Variants in ETFA observed in about 807,000 individuals in gnomAD.
The protein encoded by ETFA is electron transfer flavoprotein subunit alpha, mitochondrial.
In ETFA, 22 loss-of-function variants were observed where a neutral mutation model predicts 46.2. The observed-to-expected ratio is 0.48, with a 90% confidence interval of 0.34 to 0.68. ETFA has a LOEUF of 0.68. ETFA is among the 30% of genes least tolerant of loss of function. The probability of loss-of-function intolerance (pLI) is 0.01; values close to 1 mark genes in which losing one functional copy is unlikely to be tolerated. For synonymous variants in ETFA, 131 were observed against 139.9 expected (o/e 0.94, Z 0.45); for missense variants, 345 against 401.1 (o/e 0.86, Z 1.19).
intron 9 of ETFA, among the ~76,000 whole-genome samples, chr15:76,254,785 A>G (rs1001283355): frequency 6.6e-6 from 1 of 152,104 alleles, no homozygotes; most frequent in Non-Finnish European, 1.5e-5. Flanking sequence ...TTTAGGTATA[A>G]ATTTGTGTGT....
chr15:76,223,769 G>A (rs2038979962), intron 11 of ETFA, among the ~76,000 whole-genome samples: 1 of 152,176 alleles, frequency 6.6e-6, no homozygotes, highest in African/African-American at 2.4e-5. Flanking sequence ...CCACACACAT[G>A]CATAGTCTCA....
chr15:76,245,493 G>A (rs1188629685), intron 9 of ETFA, among the ~76,000 whole-genome samples: 1 of 152,172 alleles, frequency 6.6e-6, no homozygotes, highest in Non-Finnish European at 1.5e-5. Context: ...AGTCTATAAA[G>A]TTTGTTCCTA....
chr15:76,230,681 C>A (rs1282892102), intron 10 of ETFA: 2 of 152,132 alleles, frequency 1.3e-5, no homozygotes, highest in African/African-American at 4.9e-5. Flanking sequence ...GATCTCCTGA[C>A]CTCATGATCC....
chr15:76,264,454 T>C (rs747187908), intron 9 of ETFA, among the ~76,000 whole-genome samples: 19 of 152,340 alleles, frequency 1.2e-4, no homozygotes, highest in African/African-American at 2.2e-4. Flanking sequence ...TGTGTGCTTA[T>C]GGGCATGGGA....
At chr15:76,265,976 T>G (rs930564439) in intron 9 of ETFA, among the ~76,000 whole-genome samples, 5 of 152,142 alleles carry the variant, frequency 3.3e-5, no homozygotes, top group African/African-American at 9.7e-5. Flanking sequence ...CAATGGCCAC[T>G]GAAACAGGAA....
chr15:76,258,638 G>A (rs761128930), intron 9 of ETFA, among the ~76,000 whole-genome samples: 13 of 152,340 alleles, frequency 8.5e-5, no homozygotes, highest in African/African-American at 2.4e-4. Flanking sequence ...TCAGCGGGAC[G>A]GTAGAGCCTA....
chr15:76,253,084 G>A (rs1331785430), intron 9 of ETFA, among the ~76,000 whole-genome samples: 1 of 151,872 alleles, frequency 6.6e-6, no homozygotes, highest in Non-Finnish European at 1.5e-5. Context: ...CAGCTGTACT[G>A]CTTTTAATTT....
At chr15:76,219,703 C>CA (rs1340825934) in intron 11 of ETFA, among the ~76,000 whole-genome samples, 10 of 152,146 alleles carry the variant, frequency 6.6e-5, no homozygotes, top group Non-Finnish European at 1.5e-4. Flanking sequence ...TACGAGTGGC[C>CA]AATGAACATC....
At position 76,286,401 on chromosome 15, in the gene ETFA, T is replaced by C. The variant is rs2039705075; in HGVS notation, c.532A>G (p.Thr178Ala). Residue 178 changes from threonine to alanine, a missense_variant, in exon 6 of 12, where the codon ACA becomes GCA. Thr to Ala is a moderately conservative substitution (Grantham distance 58). Coordinates refer to ENST00000557943, the MANE Select transcript of ETFA (RefSeq NM_000126.4). Reference protein sequence around the residue: ...VRGTSFDAAATSGGSASSEKA... With the variant: ...VRGTSFDAAAASGGSASSEKA... ...TCTGAACTGGCACTACCGCCACTTG[T>C]TGCTGCAGCATCAAAGGATGTTCCA... The C allele has an allele frequency of 1.2e-6, 2 of 1,612,556 alleles. No individual in the cohort carries two copies. The highest frequency in any genetic ancestry group is 1.7e-6 in the Non-Finnish European group (2 of 1,178,540).
chr15:76,300,863 G>A (rs1035736410), intron 1 of ETFA, among the ~76,000 whole-genome samples: 11 of 152,016 alleles, frequency 7.2e-5, no homozygotes, highest in Non-Finnish European at 1.3e-4. Context: ...CCTCTGCCTA[G>A]TGGACCTCTT....
chr15:76,289,341 A>G (rs1445050923), intron 4 of ETFA, among the ~76,000 whole-genome samples: 1 of 152,164 alleles, frequency 6.6e-6, no homozygotes, highest in Non-Finnish European at 1.5e-5. Context: ...TTCAGGAATT[A>G]TTACTGGAAT....
At chr15:76,256,622 A>G (rs998528126) in intron 9 of ETFA, among the ~76,000 whole-genome samples, 2 of 152,348 alleles carry the variant, frequency 1.3e-5, no homozygotes, top group Admixed American at 1.3e-4. Context: ...ATTCTAAAAC[A>G]CTTGTACCGA....
At position 76,295,680 on chromosome 15, in the gene ETFA, G is replaced by A. The variant is rs2039810800; in HGVS notation, c.97C>T (p.Leu33=). The A allele has an allele frequency of 6.2e-7, 1 of 1,613,088 alleles. No individual in the cohort carries two copies. The highest frequency in any genetic ancestry group is 1.1e-5 in the South Asian group (1 of 91,040). The change falls in exon 2 of 12, where the codon CTA becomes TTA. Residue 33 remains leucine, a synonymous_variant. Coordinates refer to ENST00000557943, the MANE Select transcript of ETFA (RefSeq NM_000126.4). ...LVIAEHANDS[L]APITLNTITA... ...ATGGTATTTAAAGTAATGGGTGCTA[G>A]GGAATCATTTGCATGCTCAGCTATT...
At chr15:76,292,144 C>T (rs572661945) in intron 4 of ETFA, among the ~76,000 whole-genome samples, 2 of 152,120 alleles carry the variant, frequency 1.3e-5, no homozygotes, top group Admixed American at 1.3e-4. Flanking sequence ...CTCGTTCACT[C>T]TCTCTCTCAC....
intron 7 of ETFA, among the ~76,000 whole-genome samples, chr15:76,285,332 C>A (rs899794894): frequency 3.9e-5 from 6 of 152,108 alleles, no homozygotes; most frequent in African/African-American, 1.4e-4. Context: ...ATTGAGAAGC[C>A]AACCATACTC....
At chr15:76,251,513 T>C (rs1264395919) in intron 9 of ETFA, among the ~76,000 whole-genome samples, 2 of 152,190 alleles carry the variant, frequency 1.3e-5, no homozygotes, top group South Asian at 2.1e-4. Flanking sequence ...TCAGTTCCCA[T>C]AGACACATTT....
Position 76,278,903 on chromosome 15 carries a change from GGAGTGACGTCCTT to G in ETFA, c.734-4422_734-4410del, listed in dbSNP as rs550240987. Among the ~76,000 whole-genome samples the G allele has an allele frequency of 3.6e-3, 541 of 152,278 alleles. 1 individual carries two copies. The highest frequency in any genetic ancestry group is 6.8e-3 in the Middle Eastern group (2 of 294). On this transcript the variant is annotated intron_variant, in intron 8 of 11. Coordinates refer to ENST00000557943, the MANE Select transcript of ETFA (RefSeq NM_000126.4). ...GGGAGAATTACTGAGGGAGAATAAG[GGAGTGACGTCCTT>G]GAGTGAAGTGAAAAAGTATGTGAAG...
At chr15:76,246,435 C>T (rs1373880379) in intron 9 of ETFA, among the ~76,000 whole-genome samples, 3 of 152,186 alleles carry the variant, frequency 2.0e-5, no homozygotes, top group Middle Eastern at 3.2e-3. Context: ...AGACAGCCAA[C>T]ATAATACCTA....
chr15:76,285,018 G>A (rs2039693196), intron 7 of ETFA: 1 of 274,938 alleles, frequency 3.6e-6, no homozygotes. Context: ...GCAATAGAAG[G>A]CTGTCTGAAA....
Sources: gnomAD v4.1 joint callset for allele counts (sites outside exome capture counted in the v4.1 genomes callset) on GRCh38, gnomAD v4.1.1 for gene constraint, MANE v1.5 for transcripts, NCBI Gene and HGNC (gene_info 2026-07-23, HGNC 2026-07-21) for gene names.